HACD3: variants seen among roughly 807,000 people sequenced by gnomAD.
The protein encoded by HACD3 is very-long-chain (3R)-3-hydroxyacyl-CoA dehydratase 3.
A neutral mutation model predicts 55.2 loss-of-function variants in HACD3; 30 were observed. The ratio of observed to expected loss-of-function variants is 0.54; its 90% CI spans 0.41 to 0.74. The LOEUF is 0.74. Among genes scored for constraint, HACD3 ranks in the 30% least tolerant of loss-of-function variants. The pLI, the probability that HACD3 is intolerant of heterozygous loss-of-function variation, is 0.00. For missense variants in HACD3, 363 were observed against 440.1 expected (o/e 0.82, Z 1.57); for synonymous variants, 141 against 151.7 (o/e 0.93, Z 0.52).
At chr15:65,533,130 G>A (rs1386886539) in intron 1 of HACD3, among the ~76,000 whole-genome samples, 2 of 152,180 alleles carry the variant, frequency 1.3e-5, no homozygotes, top group East Asian at 3.8e-4. Flanking sequence ...GACTTAAGCC[G>A]TGTCAATGCC....
chr15:65,537,959 ATATATATAT>A (rs1210087053), intron 1 of HACD3, among the ~76,000 whole-genome samples: 90 of 3,976 alleles, frequency 0.023, no homozygotes, highest in East Asian at 0.057. Context: ...AAAAAAAAAA[ATATATATAT>A]ATATATATAT....
At chr15:65,537,952 AAAAAAAATATATATATATATATATAT>A (rs1257532451) in intron 1 of HACD3, among the ~76,000 whole-genome samples, 1,479 of 23,164 alleles carry the variant, frequency 0.064, 88 homozygotes, top group African/African-American at 0.19. Flanking sequence ...AAAAAAAAAA[AAAAAAAATATATATATATATATATAT>A]ATATATATAT....
chr15:65,537,960 T>A (rs1405290214), intron 1 of HACD3, among the ~76,000 whole-genome samples: 163 of 2,940 alleles, frequency 0.055, 2 homozygotes, highest in African/African-American at 0.072. Flanking sequence ...AAAAAAAAAA[T>A]ATATATATAT....
intron 1 of HACD3, among the ~76,000 whole-genome samples, chr15:65,535,505 T>C (rs1178955887): frequency 2.0e-5 from 3 of 152,242 alleles, no homozygotes; most frequent in East Asian, 1.9e-4. Context: ...TTTGCTTTAT[T>C]GTGCTTTGCA....
chr15:65,532,446 A>C (rs2071910952), intron 1 of HACD3, among the ~76,000 whole-genome samples: 1 of 152,022 alleles, frequency 6.6e-6, no homozygotes. Flanking sequence ...ACCAACATGG[A>C]GAAACCCCAT....
In HACD3 at chr15:65,564,292, A is replaced by G; in HGVS notation, c.610A>G (p.Asn204Asp). Reference sequence around the variant, plus strand: ...GATGCTGGCAGTTGTGGAAACTATCAATGCAGCAATTGGAGTCACTACGTC... The same window carrying G: ...GATGCTGGCAGTTGTGGAAACTATCGATGCAGCAATTGGAGTCACTACGTC... The part of the protein sequence containing the change: ...CQMLAVVETI[N>D]AAIGVTTSPV... The change falls in exon 7 of 11, where the codon AAT (asparagine) becomes GAT (aspartate). Residue 204 changes from asparagine (N) to aspartate (D), a missense_variant. By Grantham distance (23) the Asn-to-Asp change is conservative. Coordinates refer to ENST00000261875, the MANE Select transcript of HACD3 (RefSeq NM_016395.4). 1 of 1,613,972 alleles carries G rather than the reference A, an allele frequency of 6.2e-7. No individual in the cohort carries two copies. The highest frequency in any genetic ancestry group is 8.5e-7 in the Non-Finnish European group (1 of 1,179,846).
intron 7 of HACD3, among the ~76,000 whole-genome samples, chr15:65,568,142 G>C (rs961374963): frequency 6.6e-6 from 1 of 151,652 alleles, no homozygotes; most frequent in African/African-American, 2.4e-5. Flanking sequence ...GGCTGGTCTC[G>C]AACTCCTGAC....
rs187328020 is a variant in HACD3, at chr15:65,554,260, T to C, written c.131-627T>C. Among the ~76,000 whole-genome samples, 121 of 152,306 alleles carry C rather than the reference T, an allele frequency of 7.9e-4. 1 individual carries two copies. Among genetic ancestry groups the C allele is most frequent in the South Asian group, 7.2e-3 (35 of 4,828 alleles). On this transcript the variant is annotated intron_variant, in intron 2 of 10. Coordinates refer to ENST00000261875, the MANE Select transcript of HACD3 (RefSeq NM_016395.4). ...TCCTTTGGCATTGCTTTCTCTATTC[T>C]TTTTCCTGCCTGTTATTTGTGTGGG... is the stretch of plus-strand genomic sequence containing the variant.
intron 1 of HACD3, among the ~76,000 whole-genome samples, chr15:65,549,187 T>C (rs1359629675): frequency 6.6e-6 from 1 of 152,192 alleles, no homozygotes; most frequent in Non-Finnish European, 1.5e-5. Flanking sequence ...AATTGGGAAC[T>C]CAGATAAGCT....
At chr15:65,561,944 T>C (rs546752737) in intron 5 of HACD3, among the ~76,000 whole-genome samples, 1 of 152,288 alleles carries the variant, frequency 6.6e-6, no homozygotes, top group Admixed American at 6.5e-5. Flanking sequence ...CATTTGTTCA[T>C]TTATTATAAG....
intron 1 of HACD3, chr15:65,535,724 C>G (rs1389396659): frequency 2.1e-6 from 1 of 484,650 alleles, no homozygotes; most frequent in Admixed American, 3.6e-5. Context: ...GAGGCAGGGT[C>G]TCACTCTGTT....
chr15:65,554,571 C>T (rs1249802983), intron 2 of HACD3, among the ~76,000 whole-genome samples: 3 of 151,964 alleles, frequency 2.0e-5, no homozygotes, highest in African/African-American at 4.8e-5. Context: ...GTCAGGAGAT[C>T]GAGACCATCC....
At chr15:65,557,449 T>C (rs1050723180) in intron 4 of HACD3, among the ~76,000 whole-genome samples, 45 of 147,500 alleles carry the variant, frequency 3.1e-4, no homozygotes, top group Non-Finnish European at 6.2e-4. Flanking sequence ...CACTCCAGCC[T>C]GGGCAACAGA....
chr15:65,554,955 C>T lies in HACD3; in HGVS notation c.199C>T (p.Pro67Ser), dbSNP rs1191574324. ...FHLEFLDLVK[P>S]EPVYKLTQRQ... ...CCTGGAGTTCTTAGACCTTGTGAAA[C>T]CAGAGGTATGTTCTTTCCTTTCTCA... The change falls in exon 3 of 11, where the codon CCA becomes TCA. Residue 67 changes from proline to serine, a missense_variant. Transcript: ENST00000261875. 1 of 1,602,356 alleles carries T rather than the reference C, an allele frequency of 6.2e-7. No individual in the cohort carries two copies. Among genetic ancestry groups the T allele is most frequent in the African/African-American group, 1.3e-5 (1 of 74,632 alleles).
At chr15:65,572,782 G>A (rs1362107545) in intron 10 of HACD3, among the ~76,000 whole-genome samples, 2 of 151,730 alleles carry the variant, frequency 1.3e-5, no homozygotes, top group African/African-American at 4.8e-5. Flanking sequence ...GGGTGTGGTG[G>A]CGGGTGCCTG....
At chr15:65,565,986 C>G (rs1000748397) in intron 7 of HACD3, 1 of 152,216 alleles carries the variant, frequency 6.6e-6, no homozygotes, top group Admixed American at 6.5e-5. Flanking sequence ...CTCTCAAGTT[C>G]AGAGTTCTAC....
chr15:65,571,490 A>C (rs1454235323), intron 8 of HACD3, 58 bp from the exon 9 acceptor site: 2 of 1,193,566 alleles, frequency 1.7e-6, no homozygotes, highest in East Asian at 4.8e-5. Context: ...ATGATATTCT[A>C]AGGTTGCATT....
chr15:65,552,635 T>C (rs919332852), intron 2 of HACD3, among the ~76,000 whole-genome samples: 9 of 151,838 alleles, frequency 5.9e-5, no homozygotes, highest in African/African-American at 1.9e-4. Context: ...CGTGCCTGTT[T>C]TTTGTTTTTT....
intron 1 of HACD3, among the ~76,000 whole-genome samples, chr15:65,537,388 A>G (rs1423691206): frequency 3.3e-5 from 5 of 152,148 alleles, no homozygotes; most frequent in Non-Finnish European, 2.9e-5. Context: ...CCTGGCCTCA[A>G]AGCTTCAAAG....
Sources: allele counts gnomAD v4.1 joint callset (sites outside exome capture counted in the v4.1 genomes callset), GRCh38; gene constraint gnomAD v4.1.1; transcripts MANE v1.5; gene names NCBI Gene and HGNC (gene_info 2026-07-23, HGNC 2026-07-21).